PHF24: variants seen among roughly 807,000 people sequenced by gnomAD.
PHF24 encodes Galpha inhibitory interacting protein.
In PHF24, 25 loss-of-function variants were observed where a neutral mutation model predicts 42.6. That is an observed-to-expected ratio of 0.59 (90% CI 0.43 to 0.82). The LOEUF (loss-of-function observed/expected upper bound fraction) is 0.82, where lower values mean the gene tolerates loss of function less well. PHF24 is among the 40% of genes least tolerant of loss of function. The pLI, the probability that PHF24 is intolerant of heterozygous loss-of-function variation, is 0.00. For missense variants in PHF24, 470 were observed against 538.1 expected (o/e 0.87, Z 1.25); for synonymous variants, 185 against 204.8 (o/e 0.90, Z 0.83).
intron 1 of PHF24, among the ~76,000 whole-genome samples, chr9:34,969,978 C>A (rs1242322629): frequency 6.6e-6 from 1 of 152,202 alleles, no homozygotes; most frequent in Non-Finnish European, 1.5e-5. Context: ...GTACTCTCAG[C>A]ACTTTGACTT....
At chr9:34,837,990 A>G in the PHF24 span, among the ~76,000 whole-genome samples, 1 of 152,210 alleles carries the variant, frequency 6.6e-6, no homozygotes, top group African/African-American at 2.4e-5. Flanking sequence ...ATCAAAGAGT[A>G]TGTGGTTCTA....
the PHF24 span, among the ~76,000 whole-genome samples, chr9:34,746,802 G>A: frequency 3.3e-5 from 5 of 152,078 alleles, no homozygotes; most frequent in African/African-American, 1.2e-4. Context: ...ATTGTGTGTG[G>A]CATCATCAGT....
the PHF24 span, among the ~76,000 whole-genome samples, chr9:34,844,818 G>A: frequency 6.6e-6 from 1 of 152,146 alleles, no homozygotes; most frequent in Non-Finnish European, 1.5e-5. Context: ...GAAATGTTCT[G>A]TAAATGTCTG....
the PHF24 span, among the ~76,000 whole-genome samples, chr9:34,861,383 T>G: frequency 6.6e-6 from 1 of 152,172 alleles, no homozygotes; most frequent in Non-Finnish European, 1.5e-5. Flanking sequence ...GGTTAGAAAA[T>G]CATTGAAAAG....
the PHF24 span, among the ~76,000 whole-genome samples, chr9:34,908,358 A>C: frequency 6.6e-6 from 1 of 152,332 alleles, no homozygotes; most frequent in East Asian, 1.9e-4. Flanking sequence ...TGTGAAAGGC[A>C]TTGTTATAGT....
chr9:34,886,754 A>ATCTGTCTGTCTG, the PHF24 span, among the ~76,000 whole-genome samples: 18 of 147,662 alleles, frequency 1.2e-4, no homozygotes, highest in African/African-American at 3.9e-4. Flanking sequence ...CTATCTATCT[A>ATCTGTCTGTCTG]TCTGTCTGTC....
the PHF24 span, among the ~76,000 whole-genome samples, chr9:34,853,461 A>C: frequency 6.6e-6 from 1 of 152,108 alleles, no homozygotes; most frequent in Non-Finnish European, 1.5e-5. Flanking sequence ...TGGTATCAGG[A>C]TGGTGATGGC....
chr9:34,729,200 G>C, the PHF24 span: 8 of 1,434,636 alleles, frequency 5.6e-6, no homozygotes, highest in Non-Finnish European at 7.4e-6. Flanking sequence ...AAAATTCTGG[G>C]GTGGGGATTA....
At chr9:34,709,707 T>C in the PHF24 span, 2 of 1,613,588 alleles carry the variant, frequency 1.2e-6, no homozygotes, top group African/African-American at 2.7e-5. Context: ...TAGTAAGCCT[T>C]CTTAGTCTTG....
chr9:34,687,709 A>G, the PHF24 span, among the ~76,000 whole-genome samples: 2 of 152,208 alleles, frequency 1.3e-5, no homozygotes, highest in African/African-American at 4.8e-5. Flanking sequence ...CTTCTGTGGC[A>G]GGCTGACTTC....
intron 5 of PHF24, 59 bp from the exon 6 acceptor site, chr9:34,977,024 T>C: frequency 6.6e-7 from 1 of 1,517,702 alleles, no homozygotes; most frequent in South Asian, 1.3e-5. Flanking sequence ...TAGGATTCTC[T>C]ATGGCTTGGC....
At chr9:34,686,355 A>G in the PHF24 span, among the ~76,000 whole-genome samples, 1 of 152,204 alleles carries the variant, frequency 6.6e-6, no homozygotes, top group Admixed American at 6.5e-5. Flanking sequence ...GCTGGCTCTG[A>G]ACAAACGCTC....
intron 1 of PHF24, among the ~76,000 whole-genome samples, chr9:34,967,039 G>A (rs1185837261): frequency 2.6e-5 from 4 of 152,064 alleles, no homozygotes; most frequent in Admixed American, 2.6e-4. Flanking sequence ...ACTATGCCTA[G>A]CTAAATTTTT....
the PHF24 span, among the ~76,000 whole-genome samples, chr9:34,839,314 T>C: frequency 2.0e-5 from 3 of 152,330 alleles, no homozygotes; most frequent in Admixed American, 2.0e-4. Flanking sequence ...GGTTGCTGCT[T>C]GTGGTTGGAT....
chr9:34,891,718 T>C, the PHF24 span, among the ~76,000 whole-genome samples: 1 of 152,168 alleles, frequency 6.6e-6, no homozygotes, highest in Non-Finnish European at 1.5e-5. Flanking sequence ...AGGACTGAAA[T>C]GGACTTCCCC....
the PHF24 span, chr9:34,727,094 G>C: frequency 8.3e-6 from 12 of 1,450,042 alleles, no homozygotes; most frequent in Non-Finnish European, 1.1e-5. Context: ...AAAACCCTGG[G>C]GCCTATACCA....
the PHF24 span, among the ~76,000 whole-genome samples, chr9:34,707,863 C>T: frequency 2.0e-5 from 3 of 152,126 alleles, no homozygotes; most frequent in Non-Finnish European, 2.9e-5. Flanking sequence ...TCCCGAGTAG[C>T]TGGGATTACA....
exon 5 of PHF24, chr9:34,976,703 A>G: frequency 6.2e-7 from 1 of 1,614,092 alleles, no homozygotes; most frequent in East Asian, 2.2e-5. Flanking sequence ...TTCTTGTCCC[A>G]TGAGTCCCTC....
At chr9:34,971,404 C>A (rs780590212) in exon 2 of PHF24, 1 of 1,614,134 alleles carries the variant, frequency 6.2e-7, no homozygotes, top group Non-Finnish European at 8.5e-7. Flanking sequence ...TTCCATCCGA[C>A]GCACAGGTGA....
Sources: allele counts gnomAD v4.1 joint callset (sites outside exome capture counted in the v4.1 genomes callset), GRCh38; gene constraint gnomAD v4.1.1; transcripts MANE v1.5; gene names NCBI Gene and HGNC (gene_info 2026-07-23, HGNC 2026-07-21).